HCRTR2: variants seen among roughly 807,000 people sequenced by gnomAD.
HCRTR2 encodes the protein orexin receptor type 2.
HCRTR2 carries 22 observed loss-of-function variants against 49.0 expected under a neutral mutation model. The ratio of observed to expected loss-of-function variants is 0.45; its 90% CI spans 0.32 to 0.64. The LOEUF (loss-of-function observed/expected upper bound fraction) is 0.64, where lower values mean the gene tolerates loss of function less well. HCRTR2 is among the 30% of genes least tolerant of loss of function. The pLI, the probability that HCRTR2 is intolerant of heterozygous loss-of-function variation, is 0.04. For synonymous variants in HCRTR2, 236 were observed against 205.3 expected (o/e 1.15, Z -1.28); for missense variants, 491 against 559.4 (o/e 0.88, Z 1.23).
intron 1 of HCRTR2, among the ~76,000 whole-genome samples, chr6:55,190,911 C>T (rs1765304501): frequency 6.6e-6 from 1 of 152,112 alleles, no homozygotes; most frequent in Admixed American, 6.5e-5. Flanking sequence ...AGTCCTGTAA[C>T]AGGGAAAAGT....
intron 2 of HCRTR2, among the ~76,000 whole-genome samples, chr6:55,249,455 T>C (rs1280485110): frequency 6.6e-6 from 1 of 152,120 alleles, no homozygotes; most frequent in Non-Finnish European, 1.5e-5. Context: ...AATTCACTTA[T>C]TTAAAAGAAT....
chr6:55,171,482 AT>A (rs1472809395), upstream of HCRTR2, among the ~76,000 whole-genome samples: 3 of 152,240 alleles, frequency 2.0e-5, no homozygotes, highest in Non-Finnish European at 4.4e-5. Flanking sequence ...TTCAAAAGAT[AT>A]CAAAAGATCT....
intron 1 of HCRTR2, among the ~76,000 whole-genome samples, chr6:55,146,579 T>TTAA: frequency 7.0e-6 from 1 of 142,356 alleles, no homozygotes; most frequent in Non-Finnish European, 1.5e-5. Flanking sequence ...AAAGGTTAGT[T>TTAA]AAAAAAAAAA....
chr6:55,177,510 C>T (rs146910603), intron 1 of HCRTR2, among the ~76,000 whole-genome samples: 3 of 152,088 alleles, frequency 2.0e-5, no homozygotes, highest in Non-Finnish European at 4.4e-5. Context: ...ATGATTTATG[C>T]AAAATAAAGA....
intron 4 of HCRTR2, among the ~76,000 whole-genome samples, chr6:55,275,371 C>G (rs1470098168): frequency 6.6e-6 from 1 of 152,074 alleles, no homozygotes; most frequent in East Asian, 1.9e-4. Context: ...TTAAGGATTA[C>G]TAGTGCATAG....
intron 1 of HCRTR2, among the ~76,000 whole-genome samples, chr6:55,188,530 A>G (rs1276776870): frequency 2.6e-5 from 4 of 152,222 alleles, no homozygotes; most frequent in Non-Finnish European, 1.5e-5. Flanking sequence ...TGTAGCAGCA[A>G]AAGGTACACA....
chr6:55,134,431 G>A (rs1049564157), intron 1 of HCRTR2, among the ~76,000 whole-genome samples: 2 of 151,626 alleles, frequency 1.3e-5, no homozygotes, highest in Non-Finnish European at 2.9e-5. Context: ...ATTAACGCAT[G>A]CATCATCTCA....
intron 1 of HCRTR2, among the ~76,000 whole-genome samples, chr6:55,122,110 G>A (rs1289105945): frequency 2.0e-5 from 3 of 152,028 alleles, no homozygotes; most frequent in Non-Finnish European, 4.4e-5. Flanking sequence ...TTTTTGGTTG[G>A]TAAGCTATTA....
At chr6:55,193,637 A>ACCC (rs1161986982) in intron 1 of HCRTR2, among the ~76,000 whole-genome samples, 1 of 149,152 alleles carries the variant, frequency 6.7e-6, no homozygotes, top group Non-Finnish European at 1.5e-5. Flanking sequence ...TCCTCACCTC[A>ACCC]CCCCATTTTT....
intron 1 of HCRTR2, among the ~76,000 whole-genome samples, chr6:55,144,082 A>C (rs73432965): frequency 0.052 from 7,433 of 142,100 alleles, 266 homozygotes; most frequent in African/African-American, 0.1. Context: ...GTGTGACGCC[A>C]TTCTTTCCCG....
rs146501484 is a variant in HCRTR2, at chr6:55,144,455, G to A, written c.-377-29756G>A. ...TGTCTTCTGCAGACTCATCTTCTAC[G>A]CGTCATTCAAATATTGGTGGTCTAC... On this transcript the variant is annotated intron_variant, in intron 1 of 7. Coordinates refer to the HCRTR2 transcript ENST00000615358. 1.8e-4 allele frequency among the ~76,000 whole-genome samples: 27 copies of A among 151,962 alleles called. No individual in the cohort carries two copies. In the East Asian group the frequency reaches 4.8e-3, roughly 27 times the overall value.
chr6:55,277,358 GGTCT>G lies in HCRTR2; in HGVS notation c.763-17_763-14del. On this transcript the variant is annotated intron_variant, in intron 4 of 6. Coordinates refer to ENST00000370862, the MANE Select transcript of HCRTR2 (RefSeq NM_001384272.1). ...CTTTCCTAAGTCAAATTGCAATAAG[GGTCT>G]GTCTCTTCTCCTTTCAGATCCCTGG... 6.3e-7 allele frequency: 1 copy of G among 1,581,882 alleles called. No homozygotes were observed. The highest frequency in any genetic ancestry group is 1.1e-5 in the South Asian group (1 of 90,344).
intron 1 of HCRTR2, among the ~76,000 whole-genome samples, chr6:55,197,474 T>C (rs887340050): frequency 6.6e-6 from 1 of 152,122 alleles, no homozygotes; most frequent in Non-Finnish European, 1.5e-5. Flanking sequence ...CCCAATTCTA[T>C]CTGTAATCCT....
chr6:55,136,622 T>G (rs1764438548), intron 1 of HCRTR2, among the ~76,000 whole-genome samples: 1 of 152,180 alleles, frequency 6.6e-6, no homozygotes, highest in Non-Finnish European at 1.5e-5. Flanking sequence ...TAGGAAGGAA[T>G]AAAATAAACT....
intron 1 of HCRTR2, among the ~76,000 whole-genome samples, chr6:55,125,206 G>A (rs1204313793): frequency 6.6e-6 from 1 of 152,066 alleles, no homozygotes; most frequent in Non-Finnish European, 1.5e-5. Flanking sequence ...TCTTCATAGT[G>A]TTGATGGTCT....
In HCRTR2 at chr6:55,274,305, A is replaced by ATATATATATTTTATGAAATATATATACT. The variant is rs1361184993; in HGVS notation, c.763-3065_763-3038dup. On this transcript the variant is annotated intron_variant, in intron 4 of 6. Coordinates refer to ENST00000370862, the MANE Select transcript of HCRTR2 (RefSeq NM_001384272.1). ...TATATTTTATGAAATATATATACTT[A>ATATATATATTTTATGAAATATATATACT]TATATATATTTTATGAAATATATAT... Among the ~76,000 whole-genome samples the ATATATATATTTTATGAAATATATATACT allele has an allele frequency of 1.8e-3, 265 of 146,924 alleles. 1 individual carries two copies. The highest frequency in any genetic ancestry group is 3.6e-3 in the Middle Eastern group (1 of 280).
intron 1 of HCRTR2, among the ~76,000 whole-genome samples, chr6:55,163,904 C>T (rs1362704093): frequency 6.6e-6 from 1 of 152,100 alleles, no homozygotes; most frequent in Non-Finnish European, 1.5e-5. Context: ...TATCCAGAAT[C>T]TACAATGAAC....
chr6:55,259,959 TCTC>T (rs1469411975), intron 3 of HCRTR2, among the ~76,000 whole-genome samples: 3 of 152,158 alleles, frequency 2.0e-5, no homozygotes, highest in Non-Finnish European at 4.4e-5. Context: ...TCTATTATAA[TCTC>T]CTTATTCAAA....
At position 55,226,371 on chromosome 6, in the gene HCRTR2, C is replaced by T. The variant is rs116374738; in HGVS notation, c.224-22268C>T. 6.0e-3 allele frequency among the ~76,000 whole-genome samples: 906 copies of T among 152,040 alleles called. 7 individuals are homozygous for T. The highest frequency in any genetic ancestry group is 0.021 in the African/African-American group (865 of 41,476). On this transcript the variant is annotated intron_variant, in intron 1 of 6. Transcript: ENST00000370862. ...TTGCCCAGGCTGGAGTGCAATGGTA[C>T]CATTTCAGCTCACTGCAACCTCCGA... is the stretch of plus-strand genomic sequence containing the variant.
Sources: gnomAD v4.1 joint callset for allele counts (sites outside exome capture counted in the v4.1 genomes callset) on GRCh38, gnomAD v4.1.1 for gene constraint, MANE v1.5 for transcripts, NCBI Gene and HGNC (gene_info 2026-07-23, HGNC 2026-07-21) for gene names.